The following PSTPIP2 variants were observed in gnomAD, a reference collection of about 807,000 sequenced individuals.
The protein encoded by PSTPIP2 is proline-serine-threonine phosphatase interacting protein 2, also known as proline-serine-threonine phosphatase-interacting protein 2.
Under a neutral mutation model 63.3 loss-of-function variants are expected in PSTPIP2, and 33 were observed. The ratio of observed to expected loss-of-function variants is 0.52; its 90% confidence interval spans 0.40 to 0.70. PSTPIP2 has a LOEUF of 0.70. PSTPIP2 is among the 30% of genes least tolerant of loss of function. The probability of loss-of-function intolerance (pLI) is 0.00; values close to 1 mark genes in which losing one functional copy is unlikely to be tolerated. For missense variants in PSTPIP2, 312 were observed against 400.7 expected, an observed-to-expected ratio of 0.78 and a Z score of 1.89; for synonymous variants, 125 against 132.7, an observed-to-expected ratio of 0.94 and a Z score of 0.40.
chr18:45,993,005 T>G (rs888734053), intron 10 of PSTPIP2, among the ~76,000 whole-genome samples: 1 of 151,610 alleles, frequency 6.6e-6, no homozygotes, highest in Non-Finnish European at 1.5e-5. Context: ...GGATTACAGG[T>G]GTAAGCCACC....
At chr18:45,987,371 A>G (rs1288580147) in intron 14 of PSTPIP2, among the ~76,000 whole-genome samples, 1 of 152,150 alleles carries the variant, frequency 6.6e-6, no homozygotes, top group Non-Finnish European at 1.5e-5. Context: ...AGGGTGAGAG[A>G]GAGGCTGTTG....
At chr18:45,998,254 G>A (rs1365273229) in intron 8 of PSTPIP2, among the ~76,000 whole-genome samples, 1 of 152,190 alleles carries the variant, frequency 6.6e-6, no homozygotes, top group South Asian at 2.1e-4. Context: ...AGATTAAGAT[G>A]TACATAACCA....
intron 12 of PSTPIP2, among the ~76,000 whole-genome samples, chr18:45,991,585 T>C (rs1038394011): frequency 1.3e-5 from 2 of 152,170 alleles, no homozygotes; most frequent in Admixed American, 1.3e-4. Flanking sequence ...CCTATAAAAA[T>C]GGATTTAACT....
chr18:46,047,613 G>A lies in PSTPIP2; in HGVS notation c.34-7566C>T, dbSNP rs544838611. Among the ~76,000 whole-genome samples, 24 of 152,148 alleles carry A rather than the reference G, an allele frequency of 1.6e-4. No homozygotes were observed. The East Asian group carries it at 4.6e-3, about 29-fold the overall frequency. The stretch of plus-strand genomic sequence containing the variant: ...CCTGAGGCAGGAGAATCGCTTGAAC[G>A]TGGGAAACAGAGGTTGTGGTGAGCC... On this transcript the variant is annotated intron_variant, in intron 1 of 14. Coordinates refer to ENST00000409746, the MANE Select transcript of PSTPIP2 (RefSeq NM_024430.4).
At chr18:46,063,013 T>C (rs747823072) in intron 1 of PSTPIP2, among the ~76,000 whole-genome samples, 4 of 152,174 alleles carry the variant, frequency 2.6e-5, no homozygotes, top group Non-Finnish European at 5.9e-5. Flanking sequence ...AAAGACAGTA[T>C]TTTTAGTGAG....
intron 14 of PSTPIP2, 85 bp downstream of exon 14, chr18:45,988,617 G>A: frequency 8.5e-7 from 1 of 1,182,420 alleles, no homozygotes; most frequent in South Asian, 1.2e-5. Context: ...GTTTGTGGTA[G>A]TGTTATAAAT....
chr18:46,018,306 G>A (rs2051872851), intron 3 of PSTPIP2, among the ~76,000 whole-genome samples: 1 of 152,116 alleles, frequency 6.6e-6, no homozygotes, highest in Non-Finnish European at 1.5e-5. Flanking sequence ...CTCCAAATCT[G>A]CAAGAGAACT....
chr18:45,992,278 T>C, intron 10 of PSTPIP2, 76 bp from the exon 11 acceptor site: 1 of 1,293,774 alleles, frequency 7.7e-7, no homozygotes, highest in East Asian at 2.5e-5. Context: ...AACATGGGTT[T>C]GAGGCGGGGC....
At chr18:46,039,628 A>T (rs1908114472) in intron 2 of PSTPIP2, among the ~76,000 whole-genome samples, 1 of 151,798 alleles carries the variant, frequency 6.6e-6, no homozygotes, top group African/African-American at 2.4e-5. Flanking sequence ...CTTCTTTGCC[A>T]ATCCTCAGCA....
chr18:46,010,859 G>A (rs540359446), intron 5 of PSTPIP2: 53 of 225,510 alleles, frequency 2.4e-4, no homozygotes, highest in African/African-American at 8.2e-4. Flanking sequence ...TTTGGGAGCC[G>A]TCCAGCTGGG....
At chr18:45,992,792 A>G (rs143561825) in intron 10 of PSTPIP2, among the ~76,000 whole-genome samples, 34,449 of 151,642 alleles carry the variant, frequency 0.23, 5,359 homozygotes, top group African/African-American at 0.43. Context: ...GTGCAATCTC[A>G]GCTCACTGCA....
intron 5 of PSTPIP2, among the ~76,000 whole-genome samples, chr18:46,006,481 C>T (rs1389323862): frequency 6.7e-6 from 1 of 150,138 alleles, no homozygotes; most frequent in African/African-American, 2.5e-5. Flanking sequence ...AAGCGAGTCT[C>T]CTGCCTCTCA....
intron 13 of PSTPIP2, chr18:45,989,993 T>A (rs931984299): frequency 7.9e-5 from 12 of 152,190 alleles, no homozygotes; most frequent in African/African-American, 2.7e-4. Context: ...CCCAGAGATA[T>A]CATAGGCGTT....
At position 45,991,306 on chromosome 18, in the gene PSTPIP2, G is replaced by A. The variant is rs117762455; in HGVS notation, c.921-550C>T. Among the ~76,000 whole-genome samples, 110 of 152,198 alleles carry A rather than the reference G, an allele frequency of 7.2e-4. 2 individuals carry two copies. In the East Asian group the frequency reaches 0.018, roughly 25 times the overall value. Reference sequence around the variant, plus strand: ...TTTCCGCAGGATCCTTTACATGAACGGCAGCGAACTTTTTGAGTAAAGGGC... The same window carrying A: ...TTTCCGCAGGATCCTTTACATGAACAGCAGCGAACTTTTTGAGTAAAGGGC... On this transcript the variant is annotated intron_variant, in intron 12 of 14. Coordinates refer to ENST00000409746, the MANE Select transcript of PSTPIP2 (RefSeq NM_024430.4).
chr18:46,020,047 A>C (rs1046722158), intron 3 of PSTPIP2, among the ~76,000 whole-genome samples: 1 of 152,174 alleles, frequency 6.6e-6, no homozygotes, highest in African/African-American at 2.4e-5. Context: ...GACTGATTGA[A>C]GGGCCCCTAA....
intron 2 of PSTPIP2, among the ~76,000 whole-genome samples, chr18:46,039,672 G>A (rs1908116739): frequency 6.6e-6 from 1 of 152,002 alleles, no homozygotes; most frequent in South Asian, 2.1e-4. Context: ...GCTACATCAT[G>A]GGGTCTTTCA....
intron 14 of PSTPIP2, among the ~76,000 whole-genome samples, 156 bp from the exon 15 acceptor site, chr18:45,985,606 C>T (rs866021496): frequency 1.1e-4 from 17 of 152,092 alleles, no homozygotes; most frequent in East Asian, 3.9e-4. Flanking sequence ...TGGAATGTGA[C>T]GATAACAGCA....
At chr18:46,035,776 C>T (rs1320936869) in intron 2 of PSTPIP2, among the ~76,000 whole-genome samples, 2 of 152,166 alleles carry the variant, frequency 1.3e-5, no homozygotes, top group Non-Finnish European at 2.9e-5. Context: ...CCCATCCTCA[C>T]CAGCCCCTGG....
At chr18:45,996,061 C>A (rs1374748467) in intron 9 of PSTPIP2, among the ~76,000 whole-genome samples, 1 of 152,204 alleles carries the variant, frequency 6.6e-6, no homozygotes, top group African/African-American at 2.4e-5. Flanking sequence ...GGTGATCTGC[C>A]TGCCTTGGCC....
Sources: allele counts gnomAD v4.1 joint callset (sites outside exome capture counted in the v4.1 genomes callset), GRCh38; gene constraint gnomAD v4.1.1; transcripts MANE v1.5; gene names NCBI Gene and HGNC (gene_info 2026-07-23, HGNC 2026-07-21).